The following SKAP1 variants were observed in gnomAD, a reference collection of about 807,000 sequenced individuals.
SKAP1 encodes src kinase associated phosphoprotein 1.
Under a neutral mutation model 58.5 loss-of-function variants are expected in SKAP1, and 44 were observed. The ratio of observed to expected loss-of-function variants is 0.75; its 90% CI spans 0.59 to 0.97. The LOEUF (loss-of-function observed/expected upper bound fraction) is 0.97. Among genes scored for constraint, SKAP1 ranks in the 50% least tolerant of loss-of-function variants. SKAP1 has a pLI of 0.00. For missense variants in SKAP1, 390 were observed against 435.2 expected (o/e 0.90, Z 0.92); for synonymous variants, 127 against 149.7 (o/e 0.85, Z 1.11).
chr17:48,347,917 TA>T (rs902500145), intron 3 of SKAP1, among the ~76,000 whole-genome samples: 2 of 151,986 alleles, frequency 1.3e-5, no homozygotes, highest in South Asian at 4.1e-4. Context: ...TCCTTAAAAA[TA>T]AAAAAAGTAC....
At chr17:48,373,770 C>A (rs1385753364) in intron 2 of SKAP1, among the ~76,000 whole-genome samples, 1 of 152,068 alleles carries the variant, frequency 6.6e-6, no homozygotes, top group Non-Finnish European at 1.5e-5. Flanking sequence ...CCCACACCCA[C>A]CAAAAATGAT....
At chr17:48,389,908 T>C (rs1334693979) in intron 2 of SKAP1, among the ~76,000 whole-genome samples, 1 of 152,150 alleles carries the variant, frequency 6.6e-6, no homozygotes, top group African/African-American at 2.4e-5. Flanking sequence ...AGAAATCAAA[T>C]AGAAGTTTTA....
In SKAP1 at chr17:48,346,009, G is replaced by A; in HGVS notation, c.179-3C>T. On this transcript the variant is annotated splice_polypyrimidine_tract_variant and splice_region_variant and intron_variant, in intron 3 of 12. Coordinates refer to ENST00000336915, the MANE Select transcript of SKAP1 (RefSeq NM_003726.4). ...GCTGTCCTGTCCAATGTCTCCCCCT[G>A]AGGGACAAAAAAGACAGAAAATAAG... The A allele has an allele frequency of 1.3e-6, 2 of 1,576,844 alleles. No individual in the cohort carries two copies. The highest frequency in any genetic ancestry group is 1.7e-6 in the Non-Finnish European group (2 of 1,159,016).
chr17:48,169,493 T>A (rs1297482854), intron 10 of SKAP1, among the ~76,000 whole-genome samples: 2 of 152,208 alleles, frequency 1.3e-5, no homozygotes, highest in African/African-American at 4.8e-5. Context: ...TAATCACATG[T>A]GTTCACTATC....
intron 11 of SKAP1, among the ~76,000 whole-genome samples, chr17:48,149,025 T>G (rs576246530): frequency 4.3e-4 from 66 of 152,298 alleles, no homozygotes; most frequent in Middle Eastern, 3.4e-3. Flanking sequence ...ACATAGGGTA[T>G]GCTAGGGTGA....
chr17:48,235,917 C>A (rs1343787751), intron 4 of SKAP1, among the ~76,000 whole-genome samples: 1 of 152,136 alleles, frequency 6.6e-6, no homozygotes, highest in Non-Finnish European at 1.5e-5. Context: ...CTCAAGGGAC[C>A]ACACTTGCTT....
the SKAP1 span, among the ~76,000 whole-genome samples, chr17:48,437,884 C>T: frequency 6.6e-6 from 1 of 152,122 alleles, no homozygotes; most frequent in African/African-American, 2.4e-5. Context: ...CTTACCTCCT[C>T]GCAGTGGCTT....
intron 12 of SKAP1, chr17:48,136,382 A>G (rs1182764311): frequency 6.6e-6 from 1 of 152,236 alleles, no homozygotes; most frequent in African/African-American, 2.4e-5. Flanking sequence ...CATGTTGGCC[A>G]GGCTGGTCTT....
intron 11 of SKAP1, among the ~76,000 whole-genome samples, chr17:48,152,063 T>C (rs2063908874): frequency 6.6e-6 from 1 of 152,238 alleles, no homozygotes; most frequent in Non-Finnish European, 1.5e-5. Flanking sequence ...ACGTTTCATA[T>C]GTCAAGATGA....
intron 4 of SKAP1, among the ~76,000 whole-genome samples, chr17:48,285,529 C>T (rs1035586907): frequency 2.0e-4 from 31 of 151,432 alleles, no homozygotes; most frequent in Admixed American, 1.9e-3. Context: ...GCAGGAAAAT[C>T]GCTTGAGTCT....
intron 4 of SKAP1, among the ~76,000 whole-genome samples, chr17:48,323,818 A>T (rs1164605415): frequency 1.3e-5 from 2 of 152,070 alleles, no homozygotes; most frequent in Non-Finnish European, 2.9e-5. Context: ...AATAGGCCAC[A>T]GTGTTGAGGC....
chr17:48,188,816 T>C (rs1159602311), intron 5 of SKAP1, among the ~76,000 whole-genome samples: 1 of 152,116 alleles, frequency 6.6e-6, no homozygotes, highest in East Asian at 1.9e-4. Flanking sequence ...CTGGCCAACA[T>C]GATGAAATCC....
chr17:48,310,071 A>G (rs1402261763), intron 4 of SKAP1, among the ~76,000 whole-genome samples: 3 of 152,210 alleles, frequency 2.0e-5, no homozygotes, highest in Non-Finnish European at 4.4e-5. Flanking sequence ...ACCAAAAGCA[A>G]TATCTTTTAT....
chr17:48,163,184 G>A (rs1247427638), intron 10 of SKAP1, among the ~76,000 whole-genome samples: 2 of 152,114 alleles, frequency 1.3e-5, no homozygotes, highest in African/African-American at 4.8e-5. Context: ...CTAAATTCTG[G>A]GTGGGCTGGC....
At chr17:48,417,246 A>G (rs1299650201) in intron 1 of SKAP1, among the ~76,000 whole-genome samples, 1 of 152,212 alleles carries the variant, frequency 6.6e-6, no homozygotes, top group African/African-American at 2.4e-5. Flanking sequence ...AGAAATGTGC[A>G]GTGTTTGTAT....
At chr17:48,171,569 C>T (rs991829830) in intron 9 of SKAP1, among the ~76,000 whole-genome samples, 6 of 152,136 alleles carry the variant, frequency 3.9e-5, no homozygotes, top group African/African-American at 1.4e-4. Context: ...GAGTTCCTGC[C>T]CTTGTGGAGC....
Position 48,345,922 on chromosome 17 carries a change from G to A in SKAP1, c.263C>T (p.Ser88Leu), listed in dbSNP as rs1286782749. Residue 88 changes from serine (S) to leucine (L), a missense_variant, in exon 4 of 13, where the codon TCA becomes TTA. Coordinates refer to ENST00000336915, the MANE Select transcript of SKAP1 (RefSeq NM_003726.4). ...ACACTCACCCTCATCCTGATAATCTGACAAAAAGGGTGCATCGGATGTGAG... is the reference window on the plus strand; with the variant it reads ...ACACTCACCCTCATCCTGATAATCTAACAAAAAGGGTGCATCGGATGTGAG... The part of the protein sequence containing the change: ...LSLTSDAPFL[S>L]DYQDEGMEDI... The A allele has an allele frequency of 1.2e-6, 2 of 1,612,312 alleles. No homozygotes were observed. The highest frequency in any genetic ancestry group is 1.7e-6 in the Non-Finnish European group (2 of 1,178,752).
At chr17:48,184,592 G>C in intron 7 of SKAP1, 131 bp downstream of exon 7, 1 of 1,119,414 alleles carries the variant, frequency 8.9e-7, no homozygotes, top group Non-Finnish European at 1.3e-6. Flanking sequence ...CAAGAAATAG[G>C]GTCTTCGTTG....
At chr17:48,269,709 T>C (rs1323621632) in intron 4 of SKAP1, among the ~76,000 whole-genome samples, 2 of 152,294 alleles carry the variant, frequency 1.3e-5, no homozygotes, top group East Asian at 3.9e-4. Context: ...CATCTAGCTG[T>C]GATAAGCTGC....
Sources: allele counts gnomAD v4.1 joint callset (sites outside exome capture counted in the v4.1 genomes callset), GRCh38; gene constraint gnomAD v4.1.1; transcripts MANE v1.5; gene names NCBI Gene and HGNC (gene_info 2026-07-23, HGNC 2026-07-21).